THSD7A: variants seen among roughly 807,000 people sequenced by gnomAD.
The protein encoded by THSD7A is thrombospondin type 1 domain containing 7A, also known as thrombospondin type-1 domain-containing protein 7A.
In THSD7A, 96 loss-of-function variants were observed where a neutral mutation model predicts 231.3. The observed-to-expected ratio is 0.41, with a 90% CI of 0.35 to 0.49. The LOEUF (loss-of-function observed/expected upper bound fraction) is 0.49, where lower values mean the gene tolerates loss of function less well. THSD7A is among the 20% of genes least tolerant of loss of function. The pLI, the probability that THSD7A is intolerant of heterozygous loss-of-function variation, is 0.05. For synonymous variants in THSD7A, 940 were observed against 743.3 expected, an observed-to-expected ratio of 1.26 and a Z score of -4.30; for missense variants, 2,290 against 2,070.2, an observed-to-expected ratio of 1.11 and a Z score of -2.06.
intron 13 of THSD7A, among the ~76,000 whole-genome samples, chr7:11,433,308 A>G (rs1784535529): frequency 6.6e-6 from 1 of 152,060 alleles, no homozygotes. Context: ...CAGCTGAGGC[A>G]GTAAATTAAT....
intron 2 of THSD7A, among the ~76,000 whole-genome samples, chr7:11,610,914 C>T (rs1780899998): frequency 6.6e-6 from 1 of 152,084 alleles, no homozygotes; most frequent in Non-Finnish European, 1.5e-5. Context: ...AGCTATTTCT[C>T]TTTAATGGTA....
rs1324141188 is a variant in THSD7A, at chr7:11,371,408, C to A, written c.*4386G>T. 2 of 152,188 alleles carry A rather than the reference C, an allele frequency of 1.3e-5. No homozygotes were observed. The highest frequency in any genetic ancestry group is 4.1e-4 in the South Asian group (2 of 4,830). The allele number at this position is 152,188 out of a possible 1,614,324, so 9.4% of individuals were successfully genotyped here. A position where few individuals can be genotyped will look rare whatever the true frequency, so the allele number is the denominator to read the frequency against. On this transcript the variant is annotated 3_prime_UTR_variant, in exon 28 of 28. Coordinates refer to ENST00000423059, the MANE Select transcript of THSD7A (RefSeq NM_015204.3). ...CAACTAAACTAGTCCCAGGAAAGAT[C>A]ACATTCTGACAAGATTCCTCACAGA...
At chr7:11,470,034 A>G (rs1268622430) in intron 8 of THSD7A, 40 bp from the exon 9 acceptor site, 36 of 1,335,736 alleles carry the variant, frequency 2.7e-5, no homozygotes, top group Non-Finnish European at 3.7e-5. Flanking sequence ...TCAATAGTAA[A>G]GCAGAAAATC....
chr7:11,688,857 C>T (rs1780146278), intron 1 of THSD7A, among the ~76,000 whole-genome samples: 1 of 151,618 alleles, frequency 6.6e-6, no homozygotes, highest in Non-Finnish European at 1.5e-5. Context: ...ACAGAGTAAC[C>T]ATTTGGGATT....
rs73057065 is a variant in THSD7A at position 11,747,121 on chromosome 7, A to G, written c.190+84636T>C. ...TTACTAGCTTTCATATTTTAATGAA[A>G]AGAGGTTGCACTTAAAAGTGAGAAT... is the stretch of plus-strand genomic sequence containing the variant. On this transcript the variant is annotated intron_variant, in intron 1 of 27. Transcript: ENST00000423059. 9.5e-3 allele frequency among the ~76,000 whole-genome samples: 1,438 copies of G among 152,116 alleles called. 12 individuals are homozygous for G. The highest frequency in any genetic ancestry group is 0.015 in the Non-Finnish European group (1,013 of 67,932).
In THSD7A at chr7:11,553,108, T is replaced by C. The variant is rs1018655733; in HGVS notation, c.1454-9991A>G. 4.6e-5 allele frequency among the ~76,000 whole-genome samples: 7 copies of C among 152,170 alleles called. No individual in the cohort carries two copies. In the East Asian group the frequency reaches 9.7e-4, roughly 21 times the overall value. On this transcript the variant is annotated intron_variant, in intron 4 of 27. Transcript: ENST00000423059. ...CCCAGGGTATATACCCCAGACAACA[T>C]AGCTGCTTCAGTATTGCTGAAACAA...
chr7:11,752,765 A>T (rs190740840), intron 1 of THSD7A, among the ~76,000 whole-genome samples: 44 of 152,068 alleles, frequency 2.9e-4, no homozygotes, highest in South Asian at 8.3e-4. Flanking sequence ...AAAATAAATT[A>T]AAAAAATTCT....
At chr7:11,564,800 C>T (rs1410652980) in intron 4 of THSD7A, among the ~76,000 whole-genome samples, 1 of 152,124 alleles carries the variant, frequency 6.6e-6, no homozygotes, top group Non-Finnish European at 1.5e-5. Context: ...TACAACTGTG[C>T]TATTTTTAAA....
intron 1 of THSD7A, among the ~76,000 whole-genome samples, chr7:11,703,395 A>T (rs989159285): frequency 1.3e-5 from 2 of 151,230 alleles, no homozygotes; most frequent in Non-Finnish European, 3.0e-5. Context: ...ATTTTATTTC[A>T]GATCCTACCC....
intron 4 of THSD7A, among the ~76,000 whole-genome samples, chr7:11,589,836 T>C (rs2128340612): frequency 6.6e-6 from 1 of 152,328 alleles, no homozygotes; most frequent in Non-Finnish European, 1.5e-5. Flanking sequence ...TATATAGTTT[T>C]AGCTTGGGCC....
At chr7:11,607,866 G>T (rs903115454) in intron 2 of THSD7A, among the ~76,000 whole-genome samples, 1 of 152,076 alleles carries the variant, frequency 6.6e-6, no homozygotes, top group African/African-American at 2.4e-5. Flanking sequence ...GGTGTCACCT[G>T]CCAGCTGGAG....
At chr7:11,561,835 A>G (rs1790091229) in intron 4 of THSD7A, among the ~76,000 whole-genome samples, 1 of 151,662 alleles carries the variant, frequency 6.6e-6, no homozygotes, top group Non-Finnish European at 1.5e-5. Context: ...TGGGCAACAG[A>G]GCAACTCTGT....
At chr7:11,511,693 CTA>C (rs778829643) in intron 6 of THSD7A, among the ~76,000 whole-genome samples, 3 of 152,142 alleles carry the variant, frequency 2.0e-5, no homozygotes, top group Non-Finnish European at 2.9e-5. Flanking sequence ...AAAGGATTCC[CTA>C]TTTAATAAAT....
At chr7:11,739,666 C>T (rs1782039731) in intron 1 of THSD7A, among the ~76,000 whole-genome samples, 1 of 151,780 alleles carries the variant, frequency 6.6e-6, no homozygotes, top group African/African-American at 2.4e-5. Context: ...AATCCTCTCA[C>T]CCTGGCCCCC....
At chr7:11,823,128 T>G (rs1240373175) in intron 1 of THSD7A, among the ~76,000 whole-genome samples, 2 of 152,086 alleles carry the variant, frequency 1.3e-5, no homozygotes, top group African/African-American at 4.8e-5. Flanking sequence ...TAGATTTTTG[T>G]ATGTAATGAG....
At chr7:11,589,805 G>C (rs1478459238) in intron 4 of THSD7A, among the ~76,000 whole-genome samples, 1 of 152,090 alleles carries the variant, frequency 6.6e-6, no homozygotes, top group African/African-American at 2.4e-5. Flanking sequence ...GATAATTTTA[G>C]AGTCATATTA....
intron 8 of THSD7A, among the ~76,000 whole-genome samples, chr7:11,471,782 C>A (rs1490553468): frequency 6.6e-6 from 1 of 152,030 alleles, no homozygotes; most frequent in Admixed American, 6.6e-5. Flanking sequence ...TACAATTTAA[C>A]CTGCATTCTT....
At chr7:11,462,313 C>G (rs550628747) in intron 9 of THSD7A, among the ~76,000 whole-genome samples, 170 bp from the exon 10 acceptor site, 1 of 152,162 alleles carries the variant, frequency 6.6e-6, no homozygotes, top group African/African-American at 2.4e-5. Flanking sequence ...CCATTTATAT[C>G]AAAAACCCAA....
At chr7:11,414,151 C>A (rs545843687) in intron 17 of THSD7A, 1 of 152,324 alleles carries the variant, frequency 6.6e-6, no homozygotes, top group African/African-American at 2.4e-5. Flanking sequence ...ACTGCCTCTC[C>A]CTTTTATGGT....
Sources: gnomAD v4.1 joint callset for allele counts (sites outside exome capture counted in the v4.1 genomes callset) on GRCh38, gnomAD v4.1.1 for gene constraint, MANE v1.5 for transcripts, NCBI Gene and HGNC (gene_info 2026-07-23, HGNC 2026-07-21) for gene names.